Variants in ATP7A observed in about 807,000 individuals in gnomAD.
ATP7A encodes copper-transporting ATPase 1.
In ATP7A, 7 loss-of-function variants were observed where a neutral mutation model predicts 83.5. The ratio of observed to expected loss-of-function variants is 0.08; its 90% CI spans 0.05 to 0.16. The LOEUF is 0.16. Among genes scored for constraint, ATP7A ranks in the 10% least tolerant of loss-of-function variants. The pLI, the probability that ATP7A is intolerant of heterozygous loss-of-function variation, is 1.00. For synonymous variants in ATP7A, 354 were observed against 395.2 expected (o/e 0.90, Z 1.24); for missense variants, 940 against 1,120.8 (o/e 0.84, Z 2.30).
intron 1 of ATP7A, among the ~76,000 whole-genome samples, chrX:77,949,490 A>T (rs2077401834): frequency 9.0e-6 from 1 of 111,183 alleles, no homozygotes. Flanking sequence ...AGAAAGAACA[A>T]CTCTCCTTTT....
At chrX:77,981,520 A>G (rs1446433361) in intron 2 of ATP7A, among the ~76,000 whole-genome samples, 1 of 112,256 alleles carries the variant, frequency 8.9e-6, no homozygotes, top group Non-Finnish European at 1.9e-5. Flanking sequence ...GTGAAAATAC[A>G]TTAGAAATGG....
At position 77,974,435 on chromosome X, in the gene ATP7A, C is replaced by T. The variant is rs2077565853; in HGVS notation, c.120+2674C>T. 4.5e-5 allele frequency among the ~76,000 whole-genome samples: 5 copies of T among 111,247 alleles called. No individual in the cohort carries two copies. The Admixed American group carries it at 4.8e-4, about 11-fold the overall frequency. ...CTGGGATTGCAGGTGTGAGCCACTGCACCTGGCCACATAGTTTTATTTATT... is the reference window on the plus strand; with the variant it reads ...CTGGGATTGCAGGTGTGAGCCACTGTACCTGGCCACATAGTTTTATTTATT... On this transcript the variant is annotated intron_variant, in intron 2 of 22. Coordinates refer to ENST00000341514, the MANE Select transcript of ATP7A (RefSeq NM_000052.7).
intron 4 of ATP7A, among the ~76,000 whole-genome samples, 174 bp from the exon 5 acceptor site, chrX:77,998,304 G>A (rs782719273): frequency 8.9e-6 from 1 of 111,844 alleles, no homozygotes; most frequent in East Asian, 2.8e-4. Flanking sequence ...TATTGAAATT[G>A]GAAGTCACTG....
intron 4 of ATP7A, among the ~76,000 whole-genome samples, chrX:77,992,687 C>T (rs946619772): frequency 5.4e-5 from 6 of 111,075 alleles, no homozygotes; most frequent in African/African-American, 1.6e-4. Context: ...TCTCGGCTCA[C>T]TGCAACCTCT....
chrX:78,037,082 C>T (rs1169890452), intron 17 of ATP7A, among the ~76,000 whole-genome samples: 10 of 110,964 alleles, frequency 9.0e-5, no homozygotes, highest in Non-Finnish European at 1.1e-4. Context: ...ACAGGAGGGA[C>T]GGTATTGGGA....
chrX:78,030,927 G>C (rs1278494013), intron 15 of ATP7A, among the ~76,000 whole-genome samples: 1 of 110,454 alleles, frequency 9.1e-6, no homozygotes, highest in Non-Finnish European at 1.9e-5. Context: ...CTGACCTCAG[G>C]TGATCCATAC....
chrX:77,979,282 A>C (rs2077592711), intron 2 of ATP7A, among the ~76,000 whole-genome samples: 1 of 111,813 alleles, frequency 8.9e-6, no homozygotes, highest in African/African-American at 3.2e-5. Flanking sequence ...CTTTCTAGAC[A>C]TCATATAGAA....
intron 1 of ATP7A, among the ~76,000 whole-genome samples, chrX:77,937,422 A>G (rs2077325756): frequency 8.9e-6 from 1 of 112,405 alleles, no homozygotes; most frequent in African/African-American, 3.2e-5. Context: ...TTAAACCTGT[A>G]TCTCCAATAT....
intron 1 of ATP7A, among the ~76,000 whole-genome samples, chrX:77,952,436 T>G (rs1304151393): frequency 8.9e-6 from 1 of 112,037 alleles, no homozygotes; most frequent in African/African-American, 3.2e-5. Flanking sequence ...TGTTTTAATT[T>G]GCATTTCCCT....
chrX:78,009,062 A>G lies in ATP7A; in HGVS notation c.1708-40A>G, dbSNP rs782016290. ...TGGTAACTCATGTTTAATGGTGGAA[A>G]AAGTATATTCCTGAAGAACAAATGC... On this transcript the variant is annotated intron_variant, in intron 6 of 22. Coordinates refer to ENST00000341514, the MANE Select transcript of ATP7A (RefSeq NM_000052.7). 7 of 1,190,620 alleles carry G rather than the reference A, an allele frequency of 5.9e-6. No homozygotes were observed. The African/African-American group carries it at 1.2e-4, about 21-fold the overall frequency.
chrX:77,932,870 G>T (rs188448503), intron 1 of ATP7A, among the ~76,000 whole-genome samples: 207 of 111,519 alleles, frequency 1.9e-3, no homozygotes, highest in African/African-American at 6.3e-3. Flanking sequence ...GTCCAGCTTC[G>T]GCTCGGCATT....
Position 78,043,300 on chromosome X carries a change from A to G in ATP7A, c.4006-17A>G. On this transcript the variant is annotated splice_polypyrimidine_tract_variant and intron_variant, in intron 20 of 22. Coordinates refer to ENST00000341514, the MANE Select transcript of ATP7A (RefSeq NM_000052.7). ...GTTAGAGTCTCTTACTAATATCACAAATATTTCTGTTCTTAGAATGATCTT... is the reference window on the plus strand; with the variant it reads ...GTTAGAGTCTCTTACTAATATCACAGATATTTCTGTTCTTAGAATGATCTT... 2.6e-6 allele frequency: 3 copies of G among 1,132,303 alleles called. No individual in the cohort carries two copies. Among genetic ancestry groups the G allele is most frequent in the Non-Finnish European group, 3.6e-6 (3 of 823,671 alleles). 93.3% of individuals were successfully genotyped at this position (1,132,303 alleles called of 1,213,427 possible).
At chrX:78,002,989 C>G in intron 5 of ATP7A, 84 bp from the exon 6 acceptor site, 3 of 975,667 alleles carry the variant, frequency 3.1e-6, no homozygotes, top group African/African-American at 1.9e-5. Flanking sequence ...TCCTTTCATA[C>G]TTGATAATAC....
chrX:78,009,450 A>G, intron 7 of ATP7A, 187 bp downstream of exon 7: 1 of 501,236 alleles, frequency 2.0e-6, no homozygotes, highest in East Asian at 3.7e-5. Context: ...TTTTTCAGGA[A>G]AAGTTAGGCA....
At chrX:77,960,826 G>A (rs1335799482) in intron 1 of ATP7A, among the ~76,000 whole-genome samples, 6 of 111,548 alleles carry the variant, frequency 5.4e-5, no homozygotes, top group East Asian at 5.6e-4. Context: ...TGATACTGTC[G>A]TTTCCCAGAA....
intron 12 of ATP7A, among the ~76,000 whole-genome samples, chrX:78,019,703 A>G (rs1469867897): frequency 2.7e-5 from 3 of 110,903 alleles, no homozygotes; most frequent in African/African-American, 9.9e-5. Flanking sequence ...AGCTCAAGCC[A>G]TCTGTCTGCC....
In ATP7A at chrX:78,012,996, A is replaced by G. The variant is rs1557234744; in HGVS notation, c.2290A>G (p.Ile764Val). 1 of 1,210,711 alleles carries G rather than the reference A, an allele frequency of 8.3e-7. No individual in the cohort carries two copies. Among genetic ancestry groups the G allele is most frequent in the Non-Finnish European group, 1.1e-6 (1 of 894,594 alleles). The change falls in exon 10 of 23, where the codon ATT becomes GTT. Residue 764 changes from isoleucine to valine, a missense_variant. This residue lies in a region of ATP7A where 204 missense variants were observed against 185.8 expected (regional missense o/e 1.10). Transcript: ENST00000341514. ...CATTGCATTTGCCTACTCTTTGATT[A>G]TTCTTCTAGTTGCAATGTATGAGAG... ...TTIAFAYSLIILLVAMYERAK... is the reference protein window; with the variant it reads ...TTIAFAYSLIVLLVAMYERAK...
intron 1 of ATP7A, among the ~76,000 whole-genome samples, chrX:77,941,722 A>G (rs1557225663): frequency 8.9e-6 from 1 of 112,171 alleles, no homozygotes; most frequent in East Asian, 2.8e-4. Context: ...AGTATAGTTC[A>G]TGAGTGAATT....
chrX:78,033,386 T>C (rs1259243184), intron 16 of ATP7A, among the ~76,000 whole-genome samples: 5 of 113,141 alleles, frequency 4.4e-5, no homozygotes, highest in African/African-American at 1.3e-4. Context: ...CATGAGCCAC[T>C]GTGCCTGGTC....
Sources: gnomAD v4.1 joint callset for allele counts (sites outside exome capture counted in the v4.1 genomes callset) on GRCh38, gnomAD v4.1.1 for gene constraint, gnomAD v4.1.1 regional missense constraint, MANE v1.5 for transcripts, NCBI Gene and HGNC (gene_info 2026-07-23, HGNC 2026-07-21) for gene names.